IL1RAPL2: variants seen among roughly 807,000 people sequenced by gnomAD.
IL1RAPL2 encodes X-linked interleukin-1 receptor accessory protein-like 2.
IL1RAPL2 carries 3 observed loss-of-function variants against 44.1 expected under a neutral mutation model. That is an observed-to-expected ratio of 0.07 (90% CI 0.03 to 0.18). The LOEUF is 0.18. IL1RAPL2 is among the 10% of genes least tolerant of loss of function. The pLI, the probability that IL1RAPL2 is intolerant of heterozygous loss-of-function variation, is 1.00. For synonymous variants in IL1RAPL2, 181 were observed against 178.8 expected, an observed-to-expected ratio of 1.01 and a Z score of -0.10; for missense variants, 391 against 496.4, an observed-to-expected ratio of 0.79 and a Z score of 2.02.
chrX:104,723,115 C>G (rs1931716343), intron 2 of IL1RAPL2, among the ~76,000 whole-genome samples: 1 of 110,487 alleles, frequency 9.1e-6, no homozygotes, highest in Non-Finnish European at 1.9e-5. Flanking sequence ...AGCTGACATC[C>G]ATTTTGACAG....
intron 1 of IL1RAPL2, among the ~76,000 whole-genome samples, chrX:104,608,986 G>T (rs1929084154): frequency 9.0e-6 from 1 of 111,633 alleles, no homozygotes; most frequent in South Asian, 3.7e-4. Flanking sequence ...GCAGTGGCTG[G>T]TACCGGTTGT....
At chrX:104,569,132 T>C (rs1445833898) in intron 1 of IL1RAPL2, among the ~76,000 whole-genome samples, 1 of 112,490 alleles carries the variant, frequency 8.9e-6, no homozygotes, top group South Asian at 3.7e-4. Flanking sequence ...CCGCTTCTGC[T>C]TCTGCCCTAT....
intron 2 of IL1RAPL2, among the ~76,000 whole-genome samples, chrX:104,693,091 C>T (rs192059451): frequency 8.2e-4 from 92 of 112,034 alleles, no homozygotes; most frequent in African/African-American, 2.8e-3. Context: ...TGGACTCTTT[C>T]GAGCCCATGA....
chrX:104,583,610 G>A (rs1012908450), intron 1 of IL1RAPL2, among the ~76,000 whole-genome samples: 2 of 112,108 alleles, frequency 1.8e-5, no homozygotes, highest in Admixed American at 9.5e-5. Context: ...ATATTTCATA[G>A]TATCTATATA....
chrX:104,613,043 A>T (rs777742616), intron 1 of IL1RAPL2, among the ~76,000 whole-genome samples: 3 of 112,049 alleles, frequency 2.7e-5, no homozygotes, highest in African/African-American at 9.7e-5. Flanking sequence ...ATTTTACTGA[A>T]GTCATCTATC....
chrX:105,088,917 A>G (rs1404778567), intron 2 of IL1RAPL2, among the ~76,000 whole-genome samples: 1 of 111,546 alleles, frequency 9.0e-6, no homozygotes, highest in Non-Finnish European at 1.9e-5. Context: ...CATTAGTGTC[A>G]CTTAAAGTTT....
At chrX:105,575,966 G>A (rs768068733) in intron 6 of IL1RAPL2, among the ~76,000 whole-genome samples, 2 of 111,387 alleles carry the variant, frequency 1.8e-5, no homozygotes, top group African/African-American at 6.5e-5. Flanking sequence ...CCACATGTAT[G>A]TCTTCTTTAG....
intron 3 of IL1RAPL2, among the ~76,000 whole-genome samples, chrX:105,196,878 T>C (rs2033677280): frequency 9.0e-6 from 1 of 111,264 alleles, no homozygotes; most frequent in African/African-American, 3.3e-5. Flanking sequence ...ACCTGCACTC[T>C]ACTATTTGAT....
intron 1 of IL1RAPL2, among the ~76,000 whole-genome samples, chrX:104,653,877 G>T (rs1299056358): frequency 9.0e-6 from 1 of 110,955 alleles, no homozygotes; most frequent in Non-Finnish European, 1.9e-5. Context: ...GATTGCTGTA[G>T]TTTCACCCTC....
intron 6 of IL1RAPL2, among the ~76,000 whole-genome samples, chrX:105,679,089 T>C (rs1938639058): frequency 1.8e-5 from 2 of 109,340 alleles, no homozygotes; most frequent in Admixed American, 2.0e-4. Context: ...TTTTCACAGC[T>C]TCTAATCCCC....
At chrX:105,576,656 C>T (rs1421991423) in intron 6 of IL1RAPL2, among the ~76,000 whole-genome samples, 1 of 111,717 alleles carries the variant, frequency 9.0e-6, no homozygotes, top group Non-Finnish European at 1.9e-5. Context: ...CACTTATGTG[C>T]AACACCTACA....
chrX:104,719,392 C>G (rs942093228), intron 2 of IL1RAPL2, among the ~76,000 whole-genome samples: 1 of 111,962 alleles, frequency 8.9e-6, no homozygotes, highest in African/African-American at 3.2e-5. Context: ...CTAGCATCAG[C>G]TTTGTCCCCT....
chrX:105,702,927 A>G (rs1602530062), intron 6 of IL1RAPL2, among the ~76,000 whole-genome samples: 1 of 112,034 alleles, frequency 8.9e-6, no homozygotes, highest in African/African-American at 3.2e-5. Flanking sequence ...AATAAGAAAA[A>G]TGTAGACAGA....
intron 2 of IL1RAPL2, among the ~76,000 whole-genome samples, chrX:105,054,277 T>C (rs905509585): frequency 9.0e-6 from 1 of 111,306 alleles, no homozygotes; most frequent in Non-Finnish European, 1.9e-5. Context: ...ATGGGGAGAA[T>C]GTGTAAACTC....
chrX:104,909,105 C>T (rs1299628580), intron 2 of IL1RAPL2, among the ~76,000 whole-genome samples: 1 of 111,842 alleles, frequency 8.9e-6, no homozygotes, highest in Non-Finnish European at 1.9e-5. Context: ...CGTCTTCCAT[C>T]ACTGATACCC....
intron 1 of IL1RAPL2, among the ~76,000 whole-genome samples, chrX:104,585,974 C>T (rs764313017): frequency 4.5e-5 from 5 of 111,191 alleles, no homozygotes; most frequent in East Asian, 2.8e-4. Context: ...ATGGGATTGC[C>T]GTGTTGAGTG....
chrX:104,892,082 T>A (rs1467670887), intron 2 of IL1RAPL2, among the ~76,000 whole-genome samples: 1 of 111,904 alleles, frequency 8.9e-6, no homozygotes, highest in Non-Finnish European at 1.9e-5. Flanking sequence ...GTTCTGTTTA[T>A]ATGGTGGACT....
chrX:105,711,209 A>T (rs2038207638), intron 6 of IL1RAPL2, among the ~76,000 whole-genome samples: 1 of 110,103 alleles, frequency 9.1e-6, no homozygotes, highest in Non-Finnish European at 1.9e-5. Flanking sequence ...AACAGAATAC[A>T]ACAGAGTGGA....
chrX:105,307,238 G>C (rs1476407474), intron 5 of IL1RAPL2, among the ~76,000 whole-genome samples: 1 of 102,676 alleles, frequency 9.7e-6, no homozygotes, highest in Non-Finnish European at 2.0e-5. Context: ...AACTGCATTG[G>C]CAACATAGTG....
Sources: allele counts gnomAD v4.1 joint callset (sites outside exome capture counted in the v4.1 genomes callset), GRCh38; gene constraint gnomAD v4.1.1; transcripts MANE v1.5; gene names NCBI Gene and HGNC (gene_info 2026-07-23, HGNC 2026-07-21).